Variants in UMODL1 observed in about 807,000 individuals in gnomAD.
UMODL1 encodes uromodulin like 1.
Under a neutral mutation model 136.3 loss-of-function variants are expected in UMODL1, and 128 were observed. The observed-to-expected ratio is 0.94, with a 90% CI of 0.81 to 1.09. The LOEUF is 1.09. UMODL1 is among the 50% of genes least tolerant of loss of function. The pLI is 0.00. For missense variants in UMODL1, 1,766 were observed against 1,725.6 expected (o/e 1.02, Z -0.41); for synonymous variants, 721 against 720.0 (o/e 1.00, Z -0.02).
intron 10 of UMODL1, among the ~76,000 whole-genome samples, chr21:42,110,039 G>A (rs1268479498): frequency 6.6e-6 from 1 of 152,114 alleles, no homozygotes; most frequent in African/African-American, 2.4e-5. Flanking sequence ...GCAGCCCGGG[G>A]TCGAGGGATT....
intron 18 of UMODL1, 124 bp downstream of exon 18, chr21:42,126,614 T>A: frequency 7.0e-7 from 1 of 1,424,064 alleles, no homozygotes; most frequent in Admixed American, 2.2e-5. Flanking sequence ...CAAATGGGTG[T>A]GGCCTGGCTG....
rs111432905 is a variant in UMODL1 at position 42,122,276 on chromosome 21, G to A, written c.2828-555G>A. 0.055 allele frequency among the ~76,000 whole-genome samples: 8,312 copies of A among 152,202 alleles called. 321 individuals are homozygous for A. The highest frequency in any genetic ancestry group is 0.081 in the Non-Finnish European group (5,540 of 67,986). On this transcript the variant is annotated intron_variant, in intron 16 of 22. Coordinates refer to ENST00000408910, the MANE Select transcript of UMODL1 (RefSeq NM_001004416.3). The surrounding 1 kb of genome is among the most constrained non-coding windows in gnomAD (Gnocchi z 4.3). ...AGGTGGGTGGATTGGAAAGCTTTCC[G>A]GGCCCCTTGTTCTCCTAGGCATTGA... is the stretch of plus-strand genomic sequence containing the variant.
At chr21:42,075,130 C>T (rs1017916431) in intron 1 of UMODL1, among the ~76,000 whole-genome samples, 1 of 152,258 alleles carries the variant, frequency 6.6e-6, no homozygotes, top group Admixed American at 6.5e-5. Context: ...GATCTCCTGA[C>T]CTCGTGATCC....
intron 15 of UMODL1, among the ~76,000 whole-genome samples, chr21:42,120,211 G>A (rs2066951902): frequency 6.6e-6 from 1 of 152,226 alleles, no homozygotes; most frequent in African/African-American, 2.4e-5. Flanking sequence ...GTGTAGTGAG[G>A]CAGGTGTTTG....
At chr21:42,091,049 A>G (rs2066485961) in intron 6 of UMODL1, among the ~76,000 whole-genome samples, 1 of 152,162 alleles carries the variant, frequency 6.6e-6, no homozygotes. Context: ...GCCAAGAGGG[A>G]ATGGCTGGCT....
At chr21:42,080,796 C>T (rs146630500) in intron 2 of UMODL1, among the ~76,000 whole-genome samples, 22 of 152,338 alleles carry the variant, frequency 1.4e-4, no homozygotes, top group African/African-American at 5.3e-4. Flanking sequence ...ACATTTGTAG[C>T]ACGATTTTAC....
At chr21:42,088,225 G>A in intron 4 of UMODL1, 69 bp from the exon 5 acceptor site, 1 of 1,536,310 alleles carries the variant, frequency 6.5e-7, no homozygotes, top group Non-Finnish European at 8.9e-7. Flanking sequence ...AGCTCTGCGG[G>A]CCTCAGTCTC....
chr21:42,092,738 C>G (rs961565553), intron 6 of UMODL1, among the ~76,000 whole-genome samples: 13 of 152,244 alleles, frequency 8.5e-5, no homozygotes, highest in Non-Finnish European at 1.5e-4. Flanking sequence ...CACAATAACA[C>G]CACAGCTGGC....
At chr21:42,069,851 G>A (rs1349621651), upstream of UMODL1, among the ~76,000 whole-genome samples, 1 of 149,800 alleles carries the variant, frequency 6.7e-6, no homozygotes, top group Non-Finnish European at 1.5e-5. Flanking sequence ...TTCTTTTAGT[G>A]TTAATAAAAT....
chr21:42,115,616 G>A (rs746147713), intron 13 of UMODL1, among the ~76,000 whole-genome samples: 1 of 152,202 alleles, frequency 6.6e-6, no homozygotes, highest in Non-Finnish European at 1.5e-5. Context: ...TATGTGTGGT[G>A]GGGAGACAGT....
rs1336046543 is a variant in UMODL1, at chr21:42,142,852, C to T, written c.*778C>T. ...AGAAACCAGAGGAGCCGATGAGTTACTTAATTGAGGTCACAGAATGAATTA... is the reference window on the plus strand; with the variant it reads ...AGAAACCAGAGGAGCCGATGAGTTATTTAATTGAGGTCACAGAATGAATTA... On this transcript the variant is annotated 3_prime_UTR_variant, in exon 23 of 23. Coordinates refer to ENST00000408910, the MANE Select transcript of UMODL1 (RefSeq NM_001004416.3). 1 of 152,178 alleles carries T rather than the reference C, an allele frequency of 6.6e-6. No individual in the cohort carries two copies. Among genetic ancestry groups the T allele is most frequent in the Non-Finnish European group, 1.5e-5 (1 of 68,036 alleles). 9.4% of individuals were successfully genotyped at this position (152,178 alleles called of 1,614,324 possible). A position where few individuals can be genotyped will look rare whatever the true frequency, so the allele number is the denominator to read the frequency against.
rs7280895 is a variant in UMODL1, at chr21:42,086,144, G to A, written c.603+732G>A. Among the ~76,000 whole-genome samples, 1,019 of 152,290 alleles carry A rather than the reference G, an allele frequency of 6.7e-3. 18 individuals carry two copies. Among genetic ancestry groups the A allele is most frequent in the African/African-American group, 0.023 (950 of 41,560 alleles). ...AAGGCTGCCGCGTGTCCCCAAGGCC[G>A]CCCTCCCTGGGGGATGGTCTGGCTT... On this transcript the variant is annotated intron_variant, in intron 4 of 22. Transcript: ENST00000408910.
At chr21:42,111,323 G>T in intron 11 of UMODL1, 183 bp from the exon 12 acceptor site, 1 of 1,466,654 alleles carries the variant, frequency 6.8e-7, no homozygotes, top group African/African-American at 1.4e-5. Flanking sequence ...CTCCAGCCAG[G>T]GGAGCCCCAG....
At chr21:42,133,986 C>T (rs931765764) in intron 21 of UMODL1, among the ~76,000 whole-genome samples, 4 of 152,194 alleles carry the variant, frequency 2.6e-5, no homozygotes, top group Non-Finnish European at 4.4e-5. Flanking sequence ...GGCATGATCT[C>T]GGCTCACTGC....
At chr21:42,071,541 T>C (rs534989906) in intron 1 of UMODL1, 149 bp downstream of exon 1, 1 of 841,864 alleles carries the variant, frequency 1.2e-6, no homozygotes, top group Non-Finnish European at 1.6e-6. Flanking sequence ...GACAAGCTTT[T>C]TGGTAAGCGC....
At chr21:42,071,416 G>A (rs1344600663) in intron 1 of UMODL1, 24 bp downstream of exon 1, 3 of 1,556,528 alleles carry the variant, frequency 1.9e-6, no homozygotes, top group Admixed American at 3.9e-5. Context: ...GCTTGGCATG[G>A]GCAGTTCTTA....
At chr21:42,104,128 G>C in intron 9 of UMODL1, 41 bp downstream of exon 9, 1 of 1,568,334 alleles carries the variant, frequency 6.4e-7, no homozygotes, top group Non-Finnish European at 8.7e-7. Context: ...GTGTCCTCCA[G>C]CTCAGAAATC....
intron 11 of UMODL1, 32 bp downstream of exon 11, chr21:42,111,153 A>C: frequency 6.3e-7 from 1 of 1,589,858 alleles, no homozygotes; most frequent in Non-Finnish European, 8.6e-7. Context: ...CTGGGGATGG[A>C]CCAGGGGAGC....
intron 1 of UMODL1, among the ~76,000 whole-genome samples, chr21:42,073,029 C>T (rs767884312): frequency 6.6e-6 from 1 of 152,062 alleles, no homozygotes; most frequent in African/African-American, 2.4e-5. Flanking sequence ...TGTGCGCGCG[C>T]GCGTGTGTGT....
Sources: gnomAD v4.1 joint callset for allele counts (sites outside exome capture counted in the v4.1 genomes callset) on GRCh38, gnomAD v4.1.1 for gene constraint, Gnocchi (gnomAD v3.1) non-coding constraint, MANE v1.5 for transcripts, NCBI Gene and HGNC (gene_info 2026-07-23, HGNC 2026-07-21) for gene names.